The following CDH20 variants were observed in gnomAD, a reference collection of about 807,000 sequenced individuals.
CDH20 encodes the protein cadherin 20, also known as cadherin-20.
CDH20 carries 29 observed loss-of-function variants against 74.2 expected under a neutral mutation model. That is an observed-to-expected ratio of 0.39 (90% CI 0.29 to 0.53). The LOEUF is 0.53. Ranked by LOEUF, CDH20 falls within the 20% of genes least tolerant of loss-of-function variation. The pLI is 0.69. For missense variants in CDH20, 988 were observed against 1,048.3 expected, an observed-to-expected ratio of 0.94 and a Z score of 0.79; for synonymous variants, 469 against 405.4, an observed-to-expected ratio of 1.16 and a Z score of -1.88.
chr18:61,349,762 G>GA lies in CDH20; in HGVS notation c.-153+15948dup, dbSNP rs769886527. Reference sequence around the variant, plus strand: ...AAATTGTCACATGCAAGTGACAGATGAAAAAAAAAAAAAGAGAGAAGGGCA... The same window carrying GA: ...AAATTGTCACATGCAAGTGACAGATGAAAAAAAAAAAAAAGAGAGAAGGGCA... On this transcript the variant is annotated intron_variant, in intron 1 of 11. Transcript: ENST00000262717. Among the ~76,000 whole-genome samples, 360 of 133,312 alleles carry GA rather than the reference G, an allele frequency of 2.7e-3. 2 individuals are homozygous for GA. The highest frequency in any genetic ancestry group is 2.2e-3 in the African/African-American group (79 of 36,470). 87.5% of individuals were successfully genotyped at this position (133,312 alleles called of 152,430 possible).
In CDH20 at chr18:61,482,457, C is replaced by A. The variant is rs547090658; in HGVS notation, c.-152-7945C>A. On this transcript the variant is annotated intron_variant, in intron 1 of 11. Transcript: ENST00000262717. ...TGATGTTTCAGACGTCTGGCCAATC[C>A]TTCCCTCCCCTGGATCCTTGGTTGA... 2.6e-5 allele frequency among the ~76,000 whole-genome samples: 4 copies of A among 152,224 alleles called. No individual in the cohort carries two copies. In the East Asian group the frequency reaches 7.7e-4, roughly 29 times the overall value.
intron 1 of CDH20, among the ~76,000 whole-genome samples, chr18:61,457,626 C>T (rs1026162592): frequency 6.6e-6 from 1 of 152,118 alleles, no homozygotes; most frequent in African/African-American, 2.4e-5. Flanking sequence ...ATGCCTGTTC[C>T]TTCTACTTCT....
intron 7 of CDH20, among the ~76,000 whole-genome samples, chr18:61,529,903 G>T (rs1912578924): frequency 6.6e-6 from 1 of 152,138 alleles, no homozygotes; most frequent in Non-Finnish European, 1.5e-5. Context: ...CATCAGGGAG[G>T]TTCATATTGG....
At chr18:61,505,323 C>T (rs959179151) in intron 5 of CDH20, among the ~76,000 whole-genome samples, 24 of 146,448 alleles carry the variant, frequency 1.6e-4, no homozygotes, top group African/African-American at 5.3e-4. Flanking sequence ...GTCTTGCCTC[C>T]GAAACCAATA....
chr18:61,388,890 A>T (rs1225804533), intron 1 of CDH20, among the ~76,000 whole-genome samples: 1 of 152,178 alleles, frequency 6.6e-6, no homozygotes, highest in African/African-American at 2.4e-5. Flanking sequence ...TTGTTTTCCC[A>T]TCCGTGAAAC....
chr18:61,454,620 G>T (rs1909510470), intron 1 of CDH20, among the ~76,000 whole-genome samples: 2 of 152,118 alleles, frequency 1.3e-5, no homozygotes, highest in South Asian at 4.1e-4. Context: ...TAAAAATAAG[G>T]TCTGGGTAGA....
At chr18:61,338,234 A>G (rs143460135) in intron 1 of CDH20, among the ~76,000 whole-genome samples, 27 of 152,348 alleles carry the variant, frequency 1.8e-4, no homozygotes, top group African/African-American at 5.8e-4. Context: ...GTCTACAGCA[A>G]TTAAAAATAG....
intron 6 of CDH20, among the ~76,000 whole-genome samples, chr18:61,518,039 C>A (rs955145955): frequency 3.9e-5 from 6 of 152,168 alleles, no homozygotes; most frequent in African/African-American, 1.4e-4. Context: ...CGCAGCTCTG[C>A]AAAGCCACGG....
chr18:61,554,160 T>C (rs1913535146), intron 11 of CDH20, 30 bp from the exon 12 acceptor site: 1 of 1,589,668 alleles, frequency 6.3e-7, no homozygotes, highest in African/African-American at 1.3e-5. Flanking sequence ...ATCTCCTCGG[T>C]AAACACACTC....
intron 1 of CDH20, among the ~76,000 whole-genome samples, chr18:61,448,052 A>G (rs908204034): frequency 2.0e-5 from 3 of 152,190 alleles, no homozygotes; most frequent in Non-Finnish European, 4.4e-5. Flanking sequence ...CTCACTATGA[A>G]CTTCAGTTTT....
intron 1 of CDH20, among the ~76,000 whole-genome samples, chr18:61,422,749 T>A (rs949025664): frequency 2.0e-5 from 3 of 150,892 alleles, no homozygotes; most frequent in Non-Finnish European, 4.4e-5. Flanking sequence ...TTAAATGTTT[T>A]AAATATATAA....
intron 1 of CDH20, among the ~76,000 whole-genome samples, chr18:61,421,075 A>C (rs2144272956): frequency 6.6e-6 from 1 of 152,242 alleles, no homozygotes; most frequent in South Asian, 2.1e-4. Context: ...ATACATACTA[A>C]AATTTGCCAG....
At chr18:61,429,999 C>T (rs1263522660) in intron 1 of CDH20, among the ~76,000 whole-genome samples, 1 of 151,902 alleles carries the variant, frequency 6.6e-6, no homozygotes, top group Admixed American at 6.6e-5. Context: ...AGAGGCAACC[C>T]ACAGGGGTCA....
intron 1 of CDH20, among the ~76,000 whole-genome samples, chr18:61,438,366 T>C (rs940427545): frequency 5.5e-5 from 2 of 36,292 alleles, no homozygotes; most frequent in Non-Finnish European, 1.2e-4. Context: ...GAAGGGTTCC[T>C]GGAGAGGGTA....
At chr18:61,481,539 C>T (rs1910589047) in intron 1 of CDH20, among the ~76,000 whole-genome samples, 1 of 152,094 alleles carries the variant, frequency 6.6e-6, no homozygotes, top group Non-Finnish European at 1.5e-5. Flanking sequence ...TTTTACTTTC[C>T]TTCAACAAGA....
intron 10 of CDH20, among the ~76,000 whole-genome samples, chr18:61,547,264 G>A (rs1183680762): frequency 6.6e-6 from 1 of 152,066 alleles, no homozygotes; most frequent in Non-Finnish European, 1.5e-5. Context: ...GGAGTTCAAG[G>A]CTGCAGTGAG....
chr18:61,490,077 T>C (rs1189412162), intron 1 of CDH20, among the ~76,000 whole-genome samples: 3 of 152,168 alleles, frequency 2.0e-5, no homozygotes, highest in African/African-American at 7.2e-5. Flanking sequence ...TGATCATAAA[T>C]ATTTCAAAGA....
chr18:61,470,760 T>C (rs537313989), intron 1 of CDH20, among the ~76,000 whole-genome samples: 2 of 152,310 alleles, frequency 1.3e-5, no homozygotes, highest in African/African-American at 4.8e-5. Flanking sequence ...TTTAGTACTA[T>C]TGACCTAAAT....
chr18:61,549,029 G>C lies in CDH20; in HGVS notation c.1649-949G>C, dbSNP rs1913344008. 3.3e-5 allele frequency among the ~76,000 whole-genome samples: 5 copies of C among 152,240 alleles called. No individual in the cohort carries two copies. In the South Asian group the frequency reaches 1.0e-3, roughly 32 times the overall value. On this transcript the variant is annotated intron_variant, in intron 10 of 11. Coordinates refer to ENST00000262717, the MANE Select transcript of CDH20 (RefSeq NM_031891.4). ...ACACATCCATGGGACCTCTGTGTTG[G>C]TGGTATTAGCTTTGAGAATCACTTC...
Sources: allele counts gnomAD v4.1 joint callset (sites outside exome capture counted in the v4.1 genomes callset), GRCh38; gene constraint gnomAD v4.1.1; transcripts MANE v1.5; gene names NCBI Gene and HGNC (gene_info 2026-07-23, HGNC 2026-07-21).